The following RCOR2 variants were observed in gnomAD, a reference collection of about 807,000 sequenced individuals.
RCOR2 encodes REST corepressor 2.
A neutral mutation model predicts 58.9 loss-of-function variants in RCOR2; 19 were observed. The observed-to-expected ratio is 0.32, with a 90% CI of 0.23 to 0.47. The LOEUF (loss-of-function observed/expected upper bound fraction) is 0.47, where lower values mean the gene tolerates loss of function less well. Ranked by LOEUF, RCOR2 falls within the 20% of genes least tolerant of loss-of-function variation. RCOR2 has a pLI of 1.00. For missense variants in RCOR2, 590 were observed against 707.9 expected, an observed-to-expected ratio of 0.83 and a Z score of 1.89; for synonymous variants, 286 against 278.7, an observed-to-expected ratio of 1.03 and a Z score of -0.26.
chr11:63,911,730 G>A lies in RCOR2; in HGVS notation c.*135C>T, dbSNP rs1039444049. The A allele has an allele frequency of 8.2e-6, 11 of 1,336,066 alleles. No individual in the cohort carries two copies. The highest frequency in any genetic ancestry group is 1.5e-5 in the African/African-American group (1 of 64,664). The allele number at this position is 1,336,066 out of a possible 1,614,324, so 82.8% of individuals were successfully genotyped here. A position where few individuals can be genotyped will look rare whatever the true frequency, so the allele number is the denominator to read the frequency against. On this transcript the variant is annotated 3_prime_UTR_variant, in exon 12 of 12. Transcript: ENST00000301459. Reference sequence around the variant, plus strand: ...CATGCAGAACCCAAAGGGCGGGGCTGGGCTGTCCGAAACTCTGGTCTTACA... The same window carrying A: ...CATGCAGAACCCAAAGGGCGGGGCTAGGCTGTCCGAAACTCTGGTCTTACA...
At chr11:63,915,904 G>A (rs953316863) in intron 1 of RCOR2, among the ~76,000 whole-genome samples, 7 of 152,178 alleles carry the variant, frequency 4.6e-5, no homozygotes, top group African/African-American at 1.7e-4. Flanking sequence ...GGGGAGCGGG[G>A]TTGGAGGGCA....
In RCOR2 at chr11:63,911,978, G is replaced by T. The variant is rs1446623377; in HGVS notation, c.1459C>A (p.Pro487Thr). The T allele has an allele frequency of 7.5e-7, 1 of 1,340,532 alleles. No individual in the cohort carries two copies. The highest frequency in any genetic ancestry group is 2.9e-5 in the Admixed American group (1 of 34,474). The allele number at this position is 1,340,532 out of a possible 1,614,324, so 83.0% of individuals were successfully genotyped here. The change falls in exon 12 of 12, where the codon CCG (proline) becomes ACG (threonine). Residue 487 changes from proline to threonine, a missense_variant. Transcript: ENST00000301459. ...QPRLAPNQPP[P>T]PLIRPALAAP... is the part of the protein sequence containing the mutation. The stretch of plus-strand genomic sequence containing the variant: ...GCCAGAGCGGGGCGGATGAGAGGCG[G>T]TGGGGGCTGGTTGGGGGCCAGCCGG...
rs754731993 is a variant in RCOR2 at position 63,914,736 on chromosome 11, G to A, written c.399C>T (p.Asp133=). Residue 133 remains aspartate, a synonymous_variant, in exon 5 of 12, where the codon GAC becomes GAT. Transcript: ENST00000301459. The stretch of plus-strand genomic sequence containing the variant: ...GCACCTTGTCCTCTACTGTCCACTC[G>A]TCAGGGAATGGGGTGAAGTTGGCCA... The part of the protein sequence containing the change: ...ADLANFTPFP[D]EWTVEDKVLF... The A allele has an allele frequency of 1.5e-5, 24 of 1,613,508 alleles. No homozygotes were observed. Among genetic ancestry groups the A allele is most frequent in the African/African-American group, 8.0e-5 (6 of 75,042 alleles).
rs1941790687 is a variant in RCOR2, at chr11:63,912,715, A to T, written c.988T>A (p.Ser330Thr). ...RPPEANTKFN[S>T]RWTTDEQLLA... ...AGCTGCTCATCTGTGGTCCAGCGGG[A>T]GTTGAACTTGGTGTTGGCCTGGAAA... The change falls in exon 10 of 12, where the codon TCC (serine) becomes ACC (threonine). Residue 330 changes from serine (S) to threonine (T), a missense_variant. Physicochemically the swap from Ser to Thr is moderately conservative, Grantham distance 58. This residue lies in a region of RCOR2 where 390 missense variants were observed against 478.7 expected (regional missense o/e 0.81). Transcript: ENST00000301459. The T allele has an allele frequency of 6.2e-7, 1 of 1,613,944 alleles. No homozygotes were observed. The highest frequency in any genetic ancestry group is 1.7e-5 in the Admixed American group (1 of 59,992).
At chr11:63,921,166 G>A (rs1487732579), upstream of RCOR2, among the ~76,000 whole-genome samples, 1 of 152,174 alleles carries the variant, frequency 6.6e-6, no homozygotes, top group Admixed American at 6.5e-5. Flanking sequence ...ACCTCGGGTT[G>A]AGATGAGAGG....
chr11:63,912,799 A>G (rs1454171136), intron 9 of RCOR2, 66 bp from the exon 10 acceptor site: 2 of 1,607,224 alleles, frequency 1.2e-6, no homozygotes, highest in South Asian at 2.2e-5. Context: ...CTGCTCCCCA[A>G]GCAGTACTCT....
the RCOR2 span, among the ~76,000 whole-genome samples, chr11:63,923,231 C>T: frequency 1.3e-5 from 2 of 151,762 alleles, no homozygotes; most frequent in Admixed American, 1.3e-4. Flanking sequence ...TTTCATTTTC[C>T]TCTCCTTACT....
Position 63,915,185 on chromosome 11 carries a change from A to T in RCOR2, c.258T>A (p.Asp86Glu). The change falls in exon 3 of 12, where the codon GAT becomes GAA. Residue 86 changes from aspartate (D) to glutamate (E), a missense_variant. Around this residue, in one of 3 missense-constraint regions of RCOR2, gnomAD observed 390 missense variants for 478.7 expected, o/e 0.81. Transcript: ENST00000301459. ...GGGCTGTGCCCCACTCACGCTTGGC[A>T]TCTGACACACAGTGGTTGGGTGACC... ...LVWSPNHCVS[D>E]AKLDKYIAMA... is the part of the protein sequence containing the mutation. 1.3e-6 allele frequency: 2 copies of T among 1,551,358 alleles called. No individual in the cohort carries two copies. The highest frequency in any genetic ancestry group is 1.7e-6 in the Non-Finnish European group (2 of 1,146,906).
At chr11:63,921,794 G>A (rs1941917106), upstream of RCOR2, among the ~76,000 whole-genome samples, 1 of 152,214 alleles carries the variant, frequency 6.6e-6, no homozygotes, top group Non-Finnish European at 1.5e-5. Flanking sequence ...ATGCCCAGTG[G>A]ACCAGTTCGG....
chr11:63,926,487 C>T, the RCOR2 span, among the ~76,000 whole-genome samples: 2 of 71,540 alleles, frequency 2.8e-5, no homozygotes, highest in Admixed American at 3.7e-4. Context: ...CTCTCTCTCT[C>T]TCTTTTTTTT....
upstream of RCOR2, among the ~76,000 whole-genome samples, chr11:63,919,144 C>G (rs1238365074): frequency 4.6e-5 from 7 of 152,152 alleles, no homozygotes; most frequent in East Asian, 1.4e-3. Context: ...AGGAGGTGGG[C>G]CACGACACAG....
chr11:63,915,446 G>T, intron 2 of RCOR2, 109 bp downstream of exon 2: 1 of 1,279,002 alleles, frequency 7.8e-7, no homozygotes, highest in Non-Finnish European at 1.1e-6. Context: ...ACCCACCCCT[G>T]CCAGCCTGCC....
Position 63,916,751 on chromosome 11 carries a change from AG to A in RCOR2, c.-296del. 1 of 352,342 alleles carries A rather than the reference AG, an allele frequency of 2.8e-6. No homozygotes were observed. The highest frequency in any genetic ancestry group is 5.2e-6 in the Non-Finnish European group (1 of 194,150). 21.8% of individuals were successfully genotyped at this position (352,342 alleles called of 1,614,324 possible). A position where few individuals can be genotyped will look rare whatever the true frequency, so the allele number is the denominator to read the frequency against. ...GGCGTGATTACTATGTACGCCCCTC[AG>A]GGTTGGGGTTCCCCTGAAGTCGGGG... On this transcript the variant is annotated 5_prime_UTR_variant, in exon 1 of 12. Transcript: ENST00000301459.
chr11:63,911,965 C>A lies in RCOR2; in HGVS notation c.1472G>T (p.Arg491Leu). 9.2e-7 allele frequency: 1 copy of A among 1,089,166 alleles called. No homozygotes were observed. Among genetic ancestry groups the A allele is most frequent in the Non-Finnish European group, 1.2e-6 (1 of 838,418 alleles). 67.5% of individuals were successfully genotyped at this position (1,089,166 alleles called of 1,614,324 possible). Residue 491 changes from arginine (R) to leucine (L), a missense_variant, in exon 12 of 12, where the codon CGC (arginine) becomes CTC (leucine). Transcript: ENST00000301459. ...APNQPPPPLI[R>L]PALAAPRHSA... Reference sequence around the variant, plus strand: ...GTGGCGGGGGGCAGCCAGAGCGGGGCGGATGAGAGGCGGTGGGGGCTGGTT... The same window carrying A: ...GTGGCGGGGGGCAGCCAGAGCGGGGAGGATGAGAGGCGGTGGGGGCTGGTT...
At position 63,914,242 on chromosome 11, in the gene RCOR2, A is replaced by C. The variant is rs966492687; in HGVS notation, c.675+19T>G. On this transcript the variant is annotated intron_variant, in intron 7 of 11. Coordinates refer to ENST00000301459, the MANE Select transcript of RCOR2 (RefSeq NM_173587.4). The stretch of plus-strand genomic sequence containing the variant: ...GCAAGAGGACAGGCAGGCAGGGCCC[A>C]GAGGCTCTGGGAGCTCACCTCTCTC... 4 of 1,613,372 alleles carry C rather than the reference A, an allele frequency of 2.5e-6. No homozygotes were observed. The African/African-American group carries it at 5.3e-5, about 22-fold the overall frequency.
rs1941791615 is a variant in RCOR2 at position 63,912,754 on chromosome 11, T to C, written c.970-21A>G. 9.3e-6 allele frequency: 15 copies of C among 1,613,234 alleles called. No individual in the cohort carries two copies. In the East Asian group the frequency reaches 3.3e-4, roughly 36 times the overall value. On this transcript the variant is annotated intron_variant, in intron 9 of 11. Transcript: ENST00000301459. ...TTGGCCTGGAAAGCAAGGAACAACA[T>C]ATCCTTTAGACTCAAAACCATGCAA... is the stretch of plus-strand genomic sequence containing the variant.
rs761767716 is a variant in RCOR2 at position 63,911,911 on chromosome 11, G to T, written c.1526C>A (p.Pro509His). The T allele has an allele frequency of 3.8e-6, 5 of 1,322,548 alleles. No individual in the cohort carries two copies. The highest frequency in any genetic ancestry group is 4.0e-6 in the Non-Finnish European group (4 of 990,692). 81.9% of individuals were successfully genotyped at this position (1,322,548 alleles called of 1,614,324 possible). Residue 509 changes from proline to histidine, a missense_variant, in exon 12 of 12, where the codon CCC becomes CAC. Transcript: ENST00000301459. ...CTCCAGAGGGGTTCCAATCAGGGTG[G>T]GTGGGGGCTGAGGGCCAGGGCGGGC... Reference protein sequence around the residue: ...HSARPGPQPPPTLIGTPLEPP... With the variant: ...HSARPGPQPPHTLIGTPLEPP...
At chr11:63,924,232 G>A in the RCOR2 span, among the ~76,000 whole-genome samples, 1 of 147,616 alleles carries the variant, frequency 6.8e-6, no homozygotes, top group Admixed American at 6.8e-5. Context: ...TTTTGAGAAG[G>A]AGTCTCACTC....
chr11:63,926,529 C>G, the RCOR2 span, among the ~76,000 whole-genome samples: 1 of 143,154 alleles, frequency 7.0e-6, no homozygotes, highest in Admixed American at 7.4e-5. Context: ...GAGACAGAGT[C>G]TCGCTGTTCA....
Sources: allele counts gnomAD v4.1 joint callset (sites outside exome capture counted in the v4.1 genomes callset), GRCh38; gene constraint gnomAD v4.1.1; regional missense constraint gnomAD v4.1.1; transcripts MANE v1.5; gene names NCBI Gene and HGNC (gene_info 2026-07-23, HGNC 2026-07-21).